PIAS1: variants seen among roughly 807,000 people sequenced by gnomAD.
The protein encoded by PIAS1 is protein inhibitor of activated STAT 1, also known as E3 SUMO-protein ligase PIAS1.
PIAS1 carries 6 observed loss-of-function variants against 71.3 expected under a neutral mutation model. The ratio of observed to expected loss-of-function variants is 0.08; its 90% CI spans 0.05 to 0.17. PIAS1 has a LOEUF of 0.17. Among genes scored for constraint, PIAS1 ranks in the 10% least tolerant of loss-of-function variants. The pLI is 1.00. For synonymous variants in PIAS1, 303 were observed against 292.9 expected (o/e 1.03, Z -0.35); for missense variants, 555 against 793.6 (o/e 0.70, Z 3.61).
At chr15:68,126,037 A>G (rs1262806864) in intron 2 of PIAS1, among the ~76,000 whole-genome samples, 2 of 151,558 alleles carry the variant, frequency 1.3e-5, no homozygotes, top group Admixed American at 6.6e-5. Context: ...TTCTTGCCCC[A>G]CCTCTCCAGA....
chr15:68,183,542 G>A, intron 12 of PIAS1, 88 bp from the exon 13 acceptor site: 2 of 630,400 alleles, frequency 3.2e-6, no homozygotes, highest in Non-Finnish European at 5.8e-6. Context: ...TAGCATATAA[G>A]ACTTGTATTT....
chr15:68,060,908 T>C (rs1236936222), intron 1 of PIAS1, among the ~76,000 whole-genome samples: 2 of 152,234 alleles, frequency 1.3e-5, no homozygotes, highest in Non-Finnish European at 2.9e-5. Flanking sequence ...GGTCTCTATC[T>C]CTTGACCTCG....
At chr15:68,132,197 G>A (rs2092692764) in intron 2 of PIAS1, among the ~76,000 whole-genome samples, 1 of 152,042 alleles carries the variant, frequency 6.6e-6, no homozygotes, top group Non-Finnish European at 1.5e-5. Context: ...CTACAGTGTT[G>A]GCCGGGCATG....
At position 68,054,431 on chromosome 15, in the gene PIAS1, TG is replaced by T. The variant is rs1247278672; in HGVS notation, c.24+87del. On this transcript the variant is annotated intron_variant, in intron 1 of 13. Coordinates refer to ENST00000249636, the MANE Select transcript of PIAS1 (RefSeq NM_016166.3). This position sits in a 1 kb window ranked among gnomAD's most constrained non-coding sequence, Gnocchi z 4.6. ...CTGCCAGGGGGGATGGGTCCGACCC[TG>T]GGGGGCCTCTCGGGCCTGACTCCAC... 5.5e-6 allele frequency: 8 copies of T among 1,448,930 alleles called. No homozygotes were observed. The highest frequency in any genetic ancestry group is 2.5e-5 in the South Asian group (2 of 81,512). The allele number at this position is 1,448,930 out of a possible 1,614,324, so 89.8% of individuals were successfully genotyped here. A position where few individuals can be genotyped will look rare whatever the true frequency, so the allele number is the denominator to read the frequency against.
chr15:68,164,462 A>G (rs932204568), intron 7 of PIAS1, among the ~76,000 whole-genome samples: 4 of 152,184 alleles, frequency 2.6e-5, no homozygotes, highest in African/African-American at 9.6e-5. Flanking sequence ...TATTAGAGAA[A>G]TTTCTCTCAT....
chr15:68,155,656 A>G (rs1294055582), intron 7 of PIAS1, among the ~76,000 whole-genome samples: 2 of 152,184 alleles, frequency 1.3e-5, no homozygotes, highest in Non-Finnish European at 2.9e-5. Flanking sequence ...TATGTTCTTG[A>G]AAGAATAAAG....
chr15:68,067,825 C>CT (rs1318652889), intron 1 of PIAS1, among the ~76,000 whole-genome samples: 8 of 152,196 alleles, frequency 5.3e-5, no homozygotes, highest in Non-Finnish European at 1.0e-4. Flanking sequence ...ATTCTAAAAC[C>CT]TTGAGGCCTT....
intron 1 of PIAS1, among the ~76,000 whole-genome samples, chr15:68,073,498 C>T (rs1044531970): frequency 3.3e-5 from 5 of 152,076 alleles, no homozygotes; most frequent in South Asian, 2.1e-4. Flanking sequence ...GGCATAAGAG[C>T]GGTAAACTGA....
chr15:68,078,891 C>G (rs921262886), intron 1 of PIAS1, among the ~76,000 whole-genome samples: 1 of 152,124 alleles, frequency 6.6e-6, no homozygotes, highest in African/African-American at 2.4e-5. Flanking sequence ...TGATTGAAAA[C>G]ATTTTTAATA....
intron 1 of PIAS1, among the ~76,000 whole-genome samples, chr15:68,067,428 T>G (rs1201771744): frequency 1.1e-4 from 1 of 9,022 alleles, no homozygotes; most frequent in Non-Finnish European, 2.7e-4. Flanking sequence ...AATTTCTAGT[T>G]GGTTATTTTT....
chr15:68,078,576 G>A (rs1488572888), intron 1 of PIAS1, among the ~76,000 whole-genome samples: 1 of 152,082 alleles, frequency 6.6e-6, no homozygotes, highest in Non-Finnish European at 1.5e-5. Context: ...GTGTCTCAGT[G>A]TAACATATAC....
intron 6 of PIAS1, among the ~76,000 whole-genome samples, chr15:68,150,643 A>T (rs1216710866): frequency 6.6e-6 from 1 of 152,208 alleles, no homozygotes. Flanking sequence ...TTCTTGCTCT[A>T]CCTCAGGGTA....
rs372593922 is a variant in PIAS1 at position 68,171,269 on chromosome 15, C to T, written c.1009-2463C>T. Among the ~76,000 whole-genome samples the T allele has an allele frequency of 6.6e-6, 1 of 152,174 alleles. No homozygotes were observed. The highest frequency in any genetic ancestry group is 1.5e-5 in the Non-Finnish European group (1 of 68,034). On this transcript the variant is annotated intron_variant, in intron 8 of 13. Coordinates refer to ENST00000249636, the MANE Select transcript of PIAS1 (RefSeq NM_016166.3). The surrounding 1 kb of genome is among the most constrained non-coding windows in gnomAD (Gnocchi z 4.4). ...GCAGTAACAGACATGGAGCTGTTCT[C>T]TCTTATGGTAACAGTGCCTTCTTCT...
chr15:68,086,627 C>G lies in PIAS1; in HGVS notation c.346C>G (p.Pro116Ala), dbSNP rs1275304023. The G allele has an allele frequency of 2.5e-6, 4 of 1,612,958 alleles. No homozygotes were observed. The highest frequency in any genetic ancestry group is 2.2e-5 in the South Asian group (2 of 91,060). ...SPLLPVSLLG[P>A]KHELELPHLT... is the part of the protein sequence containing the mutation. ...ATTACTCCCTGTTTCTCTTCTGGGA[C>G]CTAAACATGAACTGGAACTCCCACA... The change falls in exon 2 of 14, where the codon CCT (proline) becomes GCT (alanine). Residue 116 changes from proline to alanine, a missense_variant. Physicochemically the swap from Pro to Ala is conservative, Grantham distance 27. Transcript: ENST00000249636. This position sits in a 1 kb window ranked among gnomAD's most constrained non-coding sequence, Gnocchi z 7.2.
intron 2 of PIAS1, among the ~76,000 whole-genome samples, chr15:68,094,974 G>A (rs1047827449): frequency 4.6e-5 from 7 of 152,108 alleles, no homozygotes; most frequent in Non-Finnish European, 1.0e-4. Flanking sequence ...ATTCCCCAAG[G>A]CATCCAGTAT....
intron 2 of PIAS1, among the ~76,000 whole-genome samples, chr15:68,087,195 A>C (rs1244666279): frequency 2.0e-5 from 3 of 152,152 alleles, no homozygotes; most frequent in African/African-American, 7.2e-5. Flanking sequence ...TTGAGCTTTG[A>C]TGTATGCTAG....
At chr15:68,176,828 C>G (rs1319152550) in intron 11 of PIAS1, among the ~76,000 whole-genome samples, 174 bp downstream of exon 11, 1 of 152,080 alleles carries the variant, frequency 6.6e-6, no homozygotes, top group East Asian at 1.9e-4. Flanking sequence ...GGGTAATGCA[C>G]CAAAAGGGTA....
intron 1 of PIAS1, among the ~76,000 whole-genome samples, chr15:68,074,130 T>A (rs2092130887): frequency 6.6e-6 from 1 of 152,022 alleles, no homozygotes; most frequent in Admixed American, 6.6e-5. Context: ...GGATTTGGAG[T>A]TTAGGAGACC....
rs2140972218 is a variant in PIAS1, at chr15:68,076,871, A to C, written c.25-9435A>C. 2.0e-5 allele frequency among the ~76,000 whole-genome samples: 3 copies of C among 152,270 alleles called. No individual in the cohort carries two copies. In the South Asian group the frequency reaches 6.2e-4, roughly 32 times the overall value. ...GAGTGTTTACCCTTGAAAAACTCAA[A>C]ATCTATGGGAGGACATAAACTGGAA... On this transcript the variant is annotated intron_variant, in intron 1 of 13. Transcript: ENST00000249636.
Sources: allele counts gnomAD v4.1 joint callset (sites outside exome capture counted in the v4.1 genomes callset), GRCh38; gene constraint gnomAD v4.1.1; non-coding constraint Gnocchi (gnomAD v3.1); transcripts MANE v1.5; gene names NCBI Gene and HGNC (gene_info 2026-07-23, HGNC 2026-07-21).